Variants in GABRG3 observed in about 807,000 individuals in gnomAD.
The protein encoded by GABRG3 is gamma-aminobutyric acid receptor subunit gamma-3.
GABRG3 carries 25 observed loss-of-function variants against 48.8 expected under a neutral mutation model. That is an observed-to-expected ratio of 0.51 (90% confidence interval 0.37 to 0.72). GABRG3 has a LOEUF of 0.72. GABRG3 is among the 30% of genes least tolerant of loss of function. The probability of loss-of-function intolerance (pLI) is 0.00; values close to 1 mark genes in which losing one functional copy is unlikely to be tolerated. For synonymous variants in GABRG3, 227 were observed against 217.6 expected (o/e 1.04, Z -0.38); for missense variants, 394 against 577.9 (o/e 0.68, Z 3.26).
At position 27,123,158 on chromosome 15, in the gene GABRG3, G is replaced by A. The variant is rs181118152; in HGVS notation, c.270+96337G>A. Among the ~76,000 whole-genome samples, 508 of 152,308 alleles carry A rather than the reference G, an allele frequency of 3.3e-3. 5 individuals are homozygous for A. The highest frequency in any genetic ancestry group is 0.011 in the African/African-American group (459 of 41,564). ...GTCAGTGAAACTTTAATTGAAGGTTGGAATATGCTGATGGGTAAAATAGGT... is the reference window on the plus strand; with the variant it reads ...GTCAGTGAAACTTTAATTGAAGGTTAGAATATGCTGATGGGTAAAATAGGT... On this transcript the variant is annotated intron_variant, in intron 3 of 9. Coordinates refer to ENST00000615808, the MANE Select transcript of GABRG3 (RefSeq NM_033223.5).
chr15:27,411,145 T>C (rs1372343353), intron 5 of GABRG3, among the ~76,000 whole-genome samples: 1 of 152,116 alleles, frequency 6.6e-6, no homozygotes, highest in African/African-American at 2.4e-5. Context: ...ACCTGCCTCT[T>C]GCTTGCCCGA....
chr15:27,383,285 T>TC lies in GABRG3; in HGVS notation c.574+54398dup, dbSNP rs1595717186. On this transcript the variant is annotated intron_variant, in intron 5 of 9. Coordinates refer to ENST00000615808, the MANE Select transcript of GABRG3 (RefSeq NM_033223.5). Reference sequence around the variant, plus strand: ...TTTGTCATGAGAGTATTAAGTCTGTTCTTTTTTTCTATCAAATTACCAAAG... The same window carrying TC: ...TTTGTCATGAGAGTATTAAGTCTGTTCCTTTTTTTCTATCAAATTACCAAAG... Among the ~76,000 whole-genome samples the TC allele has an allele frequency of 2.0e-5, 3 of 152,210 alleles. No homozygotes were observed. The East Asian group carries it at 5.8e-4, about 29-fold the overall frequency.
At chr15:27,017,584 G>T (rs1895803869) in intron 2 of GABRG3, among the ~76,000 whole-genome samples, 1 of 151,986 alleles carries the variant, frequency 6.6e-6, no homozygotes, top group Non-Finnish European at 1.5e-5. Context: ...TCGGAATGTT[G>T]AAAATATCCT....
In GABRG3 at chr15:26,971,446, G is replaced by A. The variant is rs1894839977; in HGVS notation, c.-90G>A. 18 of 1,128,578 alleles carry A rather than the reference G, an allele frequency of 1.6e-5. No homozygotes were observed. The East Asian group carries it at 4.8e-4, about 30-fold the overall frequency. 69.9% of individuals were successfully genotyped at this position (1,128,578 alleles called of 1,614,324 possible). ...GCCAGCAGCCTCGGAGGAAGCCAGG[G>A]CAAAGAGGGCCGGCGGAGACCAGGT... is the stretch of plus-strand genomic sequence containing the variant. On this transcript the variant is annotated 5_prime_UTR_variant, in exon 1 of 10. Transcript: ENST00000615808.
At chr15:27,089,409 T>A (rs1897147014) in intron 3 of GABRG3, among the ~76,000 whole-genome samples, 1 of 152,096 alleles carries the variant, frequency 6.6e-6, no homozygotes, top group Admixed American at 6.5e-5. Flanking sequence ...CAGAGGCTTC[T>A]TGTCCACATT....
rs577258262 is a variant in GABRG3 at position 27,029,560 on chromosome 15, G to A, written c.270+2739G>A. 1.1e-4 allele frequency among the ~76,000 whole-genome samples: 17 copies of A among 152,050 alleles called. No individual in the cohort carries two copies. The South Asian group carries it at 1.5e-3, about 13-fold the overall frequency. On this transcript the variant is annotated intron_variant, in intron 3 of 9. Coordinates refer to ENST00000615808, the MANE Select transcript of GABRG3 (RefSeq NM_033223.5). Reference sequence around the variant, plus strand: ...CAGGCGCACACACACGCACACACACGCACATTTATATGTTTAATTCCCATG... The same window carrying A: ...CAGGCGCACACACACGCACACACACACACATTTATATGTTTAATTCCCATG...
intron 2 of GABRG3, among the ~76,000 whole-genome samples, chr15:26,978,634 C>A (rs558526919): frequency 6.6e-6 from 1 of 152,272 alleles, no homozygotes. Flanking sequence ...AATCAGCTGG[C>A]TTGACTGGTG....
At chr15:27,177,827 C>T (rs1374604522) in intron 3 of GABRG3, among the ~76,000 whole-genome samples, 1 of 152,088 alleles carries the variant, frequency 6.6e-6, no homozygotes, top group East Asian at 1.9e-4. Context: ...GGAAAAGAAG[C>T]CTCAGAATAG....
Position 27,532,975 on chromosome 15 carries a change from A to G in GABRG3, c.*94A>G. ...AGTGACCAATCGGGAGTAGCAAGGA[A>G]GGACACTGCCCAGTGTATCTTGTTA... On this transcript the variant is annotated 3_prime_UTR_variant, in exon 10 of 10. Coordinates refer to ENST00000615808, the MANE Select transcript of GABRG3 (RefSeq NM_033223.5). 1 of 1,158,126 alleles carries G rather than the reference A, an allele frequency of 8.6e-7. No individual in the cohort carries two copies. The highest frequency in any genetic ancestry group is 1.5e-5 in the South Asian group (1 of 66,660). 71.7% of individuals were successfully genotyped at this position (1,158,126 alleles called of 1,614,324 possible). A position where few individuals can be genotyped will look rare whatever the true frequency, so the allele number is the denominator to read the frequency against.
rs140207040 is a variant in GABRG3 at position 27,028,663 on chromosome 15, G to T, written c.270+1842G>T. On this transcript the variant is annotated intron_variant, in intron 3 of 9. Transcript: ENST00000615808. ...CTACTAAAAATATAAAAAATCAGCT[G>T]GGCATGGTGGCAGGCGCCTGTAGTC... 1.9e-3 allele frequency among the ~76,000 whole-genome samples: 284 copies of T among 152,034 alleles called. 1 individual carries two copies. The highest frequency in any genetic ancestry group is 6.3e-3 in the African/African-American group (262 of 41,478).
intron 3 of GABRG3, among the ~76,000 whole-genome samples, chr15:27,073,631 TTGAC>T (rs1262116760): frequency 6.6e-6 from 1 of 152,258 alleles, no homozygotes; most frequent in Non-Finnish European, 1.5e-5. Flanking sequence ...AAATCCATGT[TTGAC>T]TGAGCTCACC....
rs1186520560 is a variant in GABRG3, at chr15:26,981,327, T to C, written c.202+4177T>C. Among the ~76,000 whole-genome samples, 6 of 152,226 alleles carry C rather than the reference T, an allele frequency of 3.9e-5. No homozygotes were observed. The East Asian group carries it at 1.2e-3, about 29-fold the overall frequency. ...ACTTGCACATATTCCTATTATATGT[T>C]ACGGATTTCTAGCCTGATTCCACTA... On this transcript the variant is annotated intron_variant, in intron 2 of 9. Coordinates refer to ENST00000615808, the MANE Select transcript of GABRG3 (RefSeq NM_033223.5).
chr15:27,122,737 G>C (rs915364666), intron 3 of GABRG3, among the ~76,000 whole-genome samples: 1 of 152,232 alleles, frequency 6.6e-6, no homozygotes, highest in Non-Finnish European at 1.5e-5. Flanking sequence ...GTCAGTAGAT[G>C]CCTTGGTACG....
intron 3 of GABRG3, among the ~76,000 whole-genome samples, chr15:27,119,281 G>A (rs533573824): frequency 7.5e-4 from 114 of 152,240 alleles, no homozygotes; most frequent in Admixed American, 1.1e-3. Context: ...TTGGGTCTTC[G>A]TTTATGAAGG....
At chr15:27,445,656 T>TTTTTCTTA (rs1300520866) in intron 5 of GABRG3, among the ~76,000 whole-genome samples, 1 of 152,242 alleles carries the variant, frequency 6.6e-6, no homozygotes, top group Admixed American at 6.5e-5. Flanking sequence ...TTCTTAATGA[T>TTTTTCTTA]AATTTTTGAG....
chr15:27,459,530 T>C (rs1215672786), intron 5 of GABRG3, among the ~76,000 whole-genome samples: 1 of 152,222 alleles, frequency 6.6e-6, no homozygotes, highest in African/African-American at 2.4e-5. Context: ...TAAGTGTTCT[T>C]ACTGCAGTAA....
At chr15:26,982,459 T>A (rs74006546) in intron 2 of GABRG3, among the ~76,000 whole-genome samples, 1,635 of 152,326 alleles carry the variant, frequency 0.011, 36 homozygotes, top group African/African-American at 0.037. Flanking sequence ...TCTGGCTCTA[T>A]AGCAAGATGA....
intron 3 of GABRG3, among the ~76,000 whole-genome samples, chr15:27,113,855 G>A (rs749921373): frequency 1.1e-4 from 16 of 152,182 alleles, no homozygotes; most frequent in Middle Eastern, 3.2e-3. Context: ...GGTGTAATTC[G>A]TAGAGGAAAA....
At chr15:27,472,766 T>C (rs2150841151) in intron 5 of GABRG3, among the ~76,000 whole-genome samples, 1 of 152,288 alleles carries the variant, frequency 6.6e-6, no homozygotes, top group East Asian at 1.9e-4. Context: ...TATTGGATCT[T>C]AGGAACATAT....
Sources: gnomAD v4.1 joint callset for allele counts (sites outside exome capture counted in the v4.1 genomes callset) on GRCh38, gnomAD v4.1.1 for gene constraint, MANE v1.5 for transcripts, NCBI Gene and HGNC (gene_info 2026-07-23, HGNC 2026-07-21) for gene names.